TEX11: variants seen among roughly 807,000 people sequenced by gnomAD.
TEX11 encodes the protein testis expressed 11.
A neutral mutation model predicts 84.4 loss-of-function variants in TEX11; 7 were observed. The ratio of observed to expected loss-of-function variants is 0.08; its 90% confidence interval spans 0.05 to 0.16. The LOEUF is 0.16. Among genes scored for constraint, TEX11 ranks in the 10% least tolerant of loss-of-function variants. TEX11 has a pLI of 1.00. For missense variants in TEX11, 551 were observed against 660.5 expected, an observed-to-expected ratio of 0.83 and a Z score of 1.82; for synonymous variants, 264 against 222.8, an observed-to-expected ratio of 1.18 and a Z score of -1.64.
chrX:70,576,613 C>A (rs2088677060), intron 25 of TEX11, among the ~76,000 whole-genome samples: 1 of 112,000 alleles, frequency 8.9e-6, no homozygotes, highest in African/African-American at 3.2e-5. Context: ...AATATGCATT[C>A]ATAAATATAT....
At chrX:70,812,565 T>C (rs1055112012) in intron 8 of TEX11, among the ~76,000 whole-genome samples, 1 of 110,986 alleles carries the variant, frequency 9.0e-6, no homozygotes, top group African/African-American at 3.3e-5. Context: ...TTTCTACATA[T>C]GGCTGGCCAG....
intron 4 of TEX11, among the ~76,000 whole-genome samples, chrX:70,865,063 A>T (rs1438294339): frequency 2.7e-5 from 3 of 111,675 alleles, no homozygotes; most frequent in Non-Finnish European, 5.6e-5. Flanking sequence ...CCTTAAATGT[A>T]AATGGGCTAA....
intron 9 of TEX11, among the ~76,000 whole-genome samples, chrX:70,752,703 T>G (rs143347169): frequency 1.2e-3 from 130 of 109,624 alleles, no homozygotes; most frequent in African/African-American, 4.1e-3. Flanking sequence ...AAGACACCAA[T>G]TTAACAACTA....
In TEX11 at chrX:70,552,109, A is replaced by G. The variant is rs750430467; in HGVS notation, c.2520+17T>C. The G allele has an allele frequency of 1.2e-5, 15 of 1,201,541 alleles. No individual in the cohort carries two copies. Among genetic ancestry groups the G allele is most frequent in the Non-Finnish European group, 1.7e-5 (15 of 892,583 alleles). Reference sequence around the variant, plus strand: ...CTTTAAAATTAACTGAAAGTTTAATATCACTATTTGACTTACAGTGCGGCT... The same window carrying G: ...CTTTAAAATTAACTGAAAGTTTAATGTCACTATTTGACTTACAGTGCGGCT... On this transcript the variant is annotated intron_variant, in intron 28 of 29. Transcript: ENST00000374333.
At chrX:70,673,262 G>A (rs2090040538) in intron 15 of TEX11, among the ~76,000 whole-genome samples, 1 of 111,287 alleles carries the variant, frequency 9.0e-6, no homozygotes, top group Admixed American at 9.6e-5. Context: ...TGGGACTACA[G>A]GTGCATGCTA....
At chrX:70,694,798 C>G (rs1569405536) in intron 13 of TEX11, among the ~76,000 whole-genome samples, 1 of 111,651 alleles carries the variant, frequency 9.0e-6, no homozygotes, top group African/African-American at 3.3e-5. Flanking sequence ...GGCTTTTGTG[C>G]TACATCATAA....
chrX:70,804,927 C>T (rs1003897568), intron 9 of TEX11, among the ~76,000 whole-genome samples: 4 of 106,265 alleles, frequency 3.8e-5, no homozygotes, highest in African/African-American at 1.0e-4. Context: ...TCCAAGCTCA[C>T]ATCTAGTCTT....
chrX:70,682,627 T>C (rs766515389), intron 14 of TEX11, 47 bp downstream of exon 14: 205 of 1,161,548 alleles, frequency 1.8e-4, no homozygotes, highest in Non-Finnish European at 2.2e-4. Flanking sequence ...CTAAGAATTA[T>C]ACACAAATTA....
intron 13 of TEX11, among the ~76,000 whole-genome samples, chrX:70,719,930 A>C (rs1247348286): frequency 1.8e-5 from 2 of 111,487 alleles, no homozygotes; most frequent in Non-Finnish European, 3.8e-5. Flanking sequence ...TGGGACTGTA[A>C]ACTAGTTCAA....
intron 7 of TEX11, among the ~76,000 whole-genome samples, chrX:70,843,244 G>A (rs901340962): frequency 9.0e-6 from 1 of 111,722 alleles, no homozygotes; most frequent in Non-Finnish European, 1.9e-5. Context: ...CAAGGCTACA[G>A]TAACCAAAAC....
intron 24 of TEX11, among the ~76,000 whole-genome samples, chrX:70,598,519 T>A (rs1300309782): frequency 8.9e-6 from 1 of 112,001 alleles, no homozygotes; most frequent in Non-Finnish European, 1.9e-5. Context: ...GTATATTTCA[T>A]ATTGAAAGAA....
intron 2 of TEX11, among the ~76,000 whole-genome samples, chrX:70,888,558 C>A (rs2091722009): frequency 1.8e-5 from 2 of 111,091 alleles, no homozygotes; most frequent in African/African-American, 6.5e-5. Context: ...GAATAAAAAA[C>A]AATGAAGCAC....
intron 9 of TEX11, among the ~76,000 whole-genome samples, chrX:70,748,292 G>A (rs762423722): frequency 1.2e-4 from 13 of 111,477 alleles, no homozygotes; most frequent in South Asian, 3.8e-4. Flanking sequence ...CATGATGAGC[G>A]AAAATTATTG....
At chrX:70,865,926 C>G (rs923549829) in intron 4 of TEX11, among the ~76,000 whole-genome samples, 1 of 111,833 alleles carries the variant, frequency 8.9e-6, no homozygotes, top group East Asian at 2.8e-4. Context: ...TAAATGCCCA[C>G]ATCGGAAAGC....
At chrX:70,589,996 G>C (rs1483277427) in intron 25 of TEX11, among the ~76,000 whole-genome samples, 1 of 111,944 alleles carries the variant, frequency 8.9e-6, no homozygotes, top group Non-Finnish European at 1.9e-5. Flanking sequence ...TTAATCTCTA[G>C]TTTTTGCATT....
At chrX:70,681,055 C>T (rs2090144014) in intron 14 of TEX11, among the ~76,000 whole-genome samples, 1 of 112,891 alleles carries the variant, frequency 8.9e-6, no homozygotes, top group Middle Eastern at 4.6e-3. Context: ...TGTTTCTGGT[C>T]TAGACATTTA....
intron 28 of TEX11, among the ~76,000 whole-genome samples, chrX:70,540,495 T>C (rs1243903513): frequency 8.9e-6 from 1 of 111,834 alleles, no homozygotes; most frequent in Non-Finnish European, 1.9e-5. Context: ...ATTAAATAAT[T>C]TTTTTTATTA....
intron 2 of TEX11, chrX:70,897,726 AG>A (rs2091781037): frequency 8.4e-5 from 9 of 106,733 alleles, no homozygotes. Context: ...AAAGAAAGAA[AG>A]AAAGAAAGAA....
At chrX:70,887,211 G>A (rs1019719427) in intron 2 of TEX11, among the ~76,000 whole-genome samples, 1 of 111,922 alleles carries the variant, frequency 8.9e-6, no homozygotes, top group Non-Finnish European at 1.9e-5. Context: ...AGATGGAGGA[G>A]TAAGTCTTGA....
Sources: allele counts gnomAD v4.1 joint callset (sites outside exome capture counted in the v4.1 genomes callset), GRCh38; gene constraint gnomAD v4.1.1; transcripts MANE v1.5; gene names NCBI Gene and HGNC (gene_info 2026-07-23, HGNC 2026-07-21).